The following UBE2F variants were observed in gnomAD, a reference collection of about 807,000 sequenced individuals.
UBE2F encodes NEDD8-conjugating enzyme UBE2F.
A neutral mutation model predicts 29.6 loss-of-function variants in UBE2F; 5 were observed. The ratio of observed to expected loss-of-function variants is 0.17; its 90% CI spans 0.09 to 0.36. The LOEUF (loss-of-function observed/expected upper bound fraction) is 0.36. Among genes scored for constraint, UBE2F ranks in the 10% least tolerant of loss-of-function variants. The pLI, the probability that UBE2F is intolerant of heterozygous loss-of-function variation, is 1.00. For synonymous variants in UBE2F, 66 were observed against 81.8 expected (o/e 0.81, Z 1.04); for missense variants, 141 against 228.5 (o/e 0.62, Z 2.47).
chr2:237,997,067 C>G (rs1232187471), intron 4 of UBE2F, among the ~76,000 whole-genome samples: 1 of 151,710 alleles, frequency 6.6e-6, no homozygotes, highest in African/African-American at 2.4e-5. Flanking sequence ...ACTAAACATA[C>G]AAAAAAATTA....
chr2:238,026,161 A>T (rs2064423151), intron 6 of UBE2F, among the ~76,000 whole-genome samples: 1 of 151,880 alleles, frequency 6.6e-6, no homozygotes, highest in Non-Finnish European at 1.5e-5. Context: ...CCCCGCCCCC[A>T]CCCCTGCCCG....
In UBE2F at chr2:238,030,693, G is replaced by A. The variant is rs2064553749; in HGVS notation, c.411+80G>A. 6.6e-6 allele frequency: 7 copies of A among 1,068,630 alleles called. No individual in the cohort carries two copies. The South Asian group carries it at 9.1e-5, about 14-fold the overall frequency. The allele number at this position is 1,068,630 out of a possible 1,614,324, so 66.2% of individuals were successfully genotyped here. On this transcript the variant is annotated intron_variant, in intron 7 of 9. Coordinates refer to ENST00000272930, the MANE Select transcript of UBE2F (RefSeq NM_080678.3). The stretch of plus-strand genomic sequence containing the variant: ...CAGTAGCCAGCCTCCCGAGAAAGCA[G>A]CACATGTCCTTGCCTGTCACATCCA...
At chr2:238,033,050 C>T (rs929181641) in intron 8 of UBE2F, among the ~76,000 whole-genome samples, 1 of 152,216 alleles carries the variant, frequency 6.6e-6, no homozygotes, top group African/African-American at 2.4e-5. Context: ...GCCCAGTCCA[C>T]TTCTGTGCCT....
chr2:237,975,897 C>G (rs893249872), intron 2 of UBE2F, among the ~76,000 whole-genome samples: 2 of 151,236 alleles, frequency 1.3e-5, no homozygotes, highest in African/African-American at 4.9e-5. Context: ...CTTGACCTCC[C>G]AAAGTGCTGG....
At chr2:238,035,677 G>A (rs1343588479) in intron 8 of UBE2F, 2 of 541,244 alleles carry the variant, frequency 3.7e-6, no homozygotes, top group African/African-American at 1.9e-5. Context: ...TCAGTCAGTT[G>A]TCAGTCACCA....
At chr2:237,994,271 T>C (rs10469605) in intron 3 of UBE2F, among the ~76,000 whole-genome samples, 130,588 of 152,060 alleles carry the variant, frequency 0.86, 56,227 homozygotes, top group East Asian at 0.97. Flanking sequence ...CCACCATGCC[T>C]GGCCAGCACC....
intron 4 of UBE2F, among the ~76,000 whole-genome samples, chr2:238,010,791 G>C (rs892167037): frequency 1.3e-5 from 2 of 152,116 alleles, no homozygotes; most frequent in African/African-American, 4.8e-5. Context: ...TGATCTGTCA[G>C]CTGCCCACTC....
chr2:237,984,515 C>G (rs2063440931), intron 2 of UBE2F, among the ~76,000 whole-genome samples: 1 of 152,162 alleles, frequency 6.6e-6, no homozygotes, highest in Non-Finnish European at 1.5e-5. Flanking sequence ...TCCTCTTTTC[C>G]CCTAACTCTG....
chr2:238,036,894 C>A (rs1221585239), intron 9 of UBE2F, among the ~76,000 whole-genome samples: 2 of 152,140 alleles, frequency 1.3e-5, no homozygotes, highest in Non-Finnish European at 2.9e-5. Context: ...ACCCTCCTGA[C>A]CCCCAGCGGC....
chr2:238,009,954 G>GT lies in UBE2F; in HGVS notation c.215-6605dup, dbSNP rs922763851. On this transcript the variant is annotated intron_variant, in intron 4 of 9. Transcript: ENST00000272930. ...GATACTCCCATCATCACAGTTTTTT[G>GT]TTTTTTTGTTTTTTTGTTTATTTTG... Among the ~76,000 whole-genome samples the GT allele has an allele frequency of 4.9e-4, 75 of 151,882 alleles. 2 individuals carry two copies. The highest frequency in any genetic ancestry group is 1.8e-3 in the African/African-American group (74 of 41,330).
intron 4 of UBE2F, among the ~76,000 whole-genome samples, chr2:238,011,212 T>G (rs2064019874): frequency 6.6e-6 from 1 of 152,230 alleles, no homozygotes; most frequent in African/African-American, 2.4e-5. Context: ...CAACACCCTT[T>G]GCATCTGCTC....
At chr2:238,030,773 A>T (rs539054794) in intron 7 of UBE2F, among the ~76,000 whole-genome samples, 160 bp downstream of exon 7, 1 of 152,290 alleles carries the variant, frequency 6.6e-6, no homozygotes, top group African/African-American at 2.4e-5. Context: ...TAGGCTACTT[A>T]GCCAGTCACT....
intron 2 of UBE2F, 122 bp downstream of exon 2, chr2:237,973,347 A>AC: frequency 8.8e-7 from 1 of 1,137,306 alleles, no homozygotes; most frequent in Non-Finnish European, 1.3e-6. Flanking sequence ...AAGATTTTAA[A>AC]ATATAATTGC....
chr2:238,011,382 C>G (rs2064024636), intron 4 of UBE2F, among the ~76,000 whole-genome samples: 1 of 152,204 alleles, frequency 6.6e-6, no homozygotes, highest in Non-Finnish European at 1.5e-5. Flanking sequence ...TCATCATTTT[C>G]TCTGACCTCC....
At chr2:238,039,994 C>T (rs1261210800) in intron 9 of UBE2F, among the ~76,000 whole-genome samples, 1 of 152,188 alleles carries the variant, frequency 6.6e-6, no homozygotes, top group East Asian at 1.9e-4. Context: ...TGCACAGTCC[C>T]CCTTTGTTGC....
At chr2:237,968,436 G>A (rs957547921) in intron 1 of UBE2F, among the ~76,000 whole-genome samples, 11 of 152,196 alleles carry the variant, frequency 7.2e-5, no homozygotes. Flanking sequence ...TGTGGACTTT[G>A]TTGTGCCCTG....
chr2:237,992,228 TAAAAC>T (rs931871591), intron 3 of UBE2F, among the ~76,000 whole-genome samples: 3 of 152,206 alleles, frequency 2.0e-5, no homozygotes, highest in African/African-American at 7.2e-5. Flanking sequence ...ATCTGTCTAT[TAAAAC>T]AAAAGAGAAT....
chr2:237,972,792 A>G (rs559356970), intron 1 of UBE2F, among the ~76,000 whole-genome samples: 49 of 152,156 alleles, frequency 3.2e-4, no homozygotes, highest in Admixed American at 9.8e-4. Flanking sequence ...GGCTCAAGCA[A>G]TCCTCCTACC....
At chr2:237,988,346 G>T (rs1366664233) in intron 3 of UBE2F, among the ~76,000 whole-genome samples, 1 of 152,026 alleles carries the variant, frequency 6.6e-6, no homozygotes, top group African/African-American at 2.4e-5. Flanking sequence ...TACTTGGGAG[G>T]CTGAGGCAGG....
Sources: allele counts gnomAD v4.1 joint callset (sites outside exome capture counted in the v4.1 genomes callset), GRCh38; gene constraint gnomAD v4.1.1; transcripts MANE v1.5; gene names NCBI Gene and HGNC (gene_info 2026-07-23, HGNC 2026-07-21).